Variants in ROS1 observed in about 807,000 individuals in gnomAD.
The protein encoded by ROS1 is ROS proto-oncogene 1, receptor tyrosine kinase.
Under a neutral mutation model 273.5 loss-of-function variants are expected in ROS1, and 263 were observed. That is an observed-to-expected ratio of 0.96 (90% CI 0.87 to 1.06). The LOEUF (loss-of-function observed/expected upper bound fraction) is 1.06. Ranked by LOEUF, ROS1 falls within the 50% of genes least tolerant of loss-of-function variation. The probability of loss-of-function intolerance (pLI) is 0.00; values close to 1 mark genes in which losing one functional copy is unlikely to be tolerated. For synonymous variants in ROS1, 1,008 were observed against 954.1 expected (o/e 1.06, Z -1.04); for missense variants, 2,833 against 2,751.1 (o/e 1.03, Z -0.67).
intron 31 of ROS1, among the ~76,000 whole-genome samples, chr6:117,340,683 C>T (rs1938913158): frequency 3.3e-5 from 5 of 152,086 alleles, no homozygotes; most frequent in African/African-American, 7.2e-5. Context: ...AAGCCAACAA[C>T]AAAACTACTT....
intron 13 of ROS1, 115 bp downstream of exon 13, chr6:117,389,235 G>T (rs952364654): frequency 8.1e-7 from 1 of 1,229,692 alleles, no homozygotes; most frequent in Non-Finnish European, 1.1e-6. Context: ...GCTGCTTCTG[G>T]TTGATGACTG....
intron 3 of ROS1, 147 bp from the exon 4 acceptor site, chr6:117,414,692 G>A (rs1223018507): frequency 5.4e-6 from 3 of 558,482 alleles, no homozygotes; most frequent in Non-Finnish European, 6.1e-6. Context: ...GGAGCCCAGA[G>A]CAGGACCCCC....
At chr6:117,372,839 G>A (rs1780939536) in intron 18 of ROS1, among the ~76,000 whole-genome samples, 1 of 152,196 alleles carries the variant, frequency 6.6e-6, no homozygotes, top group Non-Finnish European at 1.5e-5. Context: ...TGTGGAAAAG[G>A]ATCCATTCGG....
chr6:117,407,164 A>G (rs1774481022), intron 5 of ROS1, among the ~76,000 whole-genome samples: 1 of 152,232 alleles, frequency 6.6e-6, no homozygotes, highest in Non-Finnish European at 1.5e-5. Flanking sequence ...GAACAGCAAG[A>G]TAAGTTTCCC....
In ROS1 at chr6:117,419,037, G is replaced by T. The variant is rs761051745; in HGVS notation, c.124-531C>A. Among the ~76,000 whole-genome samples the T allele has an allele frequency of 2.0e-5, 3 of 152,320 alleles. No homozygotes were observed. In the South Asian group the frequency reaches 6.2e-4, roughly 32 times the overall value. On this transcript the variant is annotated intron_variant, in intron 1 of 43. Transcript: ENST00000368507. ...TATCTCTCTGGTCATAATTTGAATA[G>T]AGTCCTTCATAAACAAGACAGTTTA...
In ROS1 at chr6:117,356,693, C is replaced by A. The variant is rs760464623; in HGVS notation, c.4062G>T (p.Glu1354Asp). 4.3e-6 allele frequency: 7 copies of A among 1,614,188 alleles called. No homozygotes were observed. The highest frequency in any genetic ancestry group is 5.1e-6 in the Non-Finnish European group (6 of 1,180,018). The part of the protein sequence containing the change: ...KPLIYFAKAQ[E>D]IWAMDLEGCQ... ...AGCCTTCCAGATCCATTGCCCAGATCTCTTGTGCTTTGGCAAAGTATATCA... is the reference window on the plus strand; with the variant it reads ...AGCCTTCCAGATCCATTGCCCAGATATCTTGTGCTTTGGCAAAGTATATCA... Residue 1354 changes from glutamate to aspartate, a missense_variant, in exon 26 of 44, where the codon GAG (glutamate) becomes GAT (aspartate). Transcript: ENST00000368507.
At chr6:117,318,317 A>G (rs959041080) in intron 37 of ROS1, 65 bp from the exon 38 acceptor site, 2 of 1,176,534 alleles carry the variant, frequency 1.7e-6, no homozygotes, top group Non-Finnish European at 2.6e-6. Context: ...CAGTGGGTTA[A>G]TGGAGATTGT....
intron 27 of ROS1, among the ~76,000 whole-genome samples, chr6:117,350,901 T>C (rs1057287711): frequency 1.2e-4 from 19 of 152,170 alleles, no homozygotes; most frequent in African/African-American, 4.6e-4. Context: ...TACTGACTAC[T>C]TTATCCATTA....
intron 39 of ROS1, 27 bp downstream of exon 39, chr6:117,317,116 C>T (rs1446719133): frequency 1.3e-5 from 21 of 1,597,482 alleles, no homozygotes; most frequent in Non-Finnish European, 1.7e-6. Context: ...CATTATGAAA[C>T]CAATATTATG....
At chr6:117,337,488 A>G (rs1041752243) in intron 31 of ROS1, 148 bp from the exon 32 acceptor site, 1 of 614,840 alleles carries the variant, frequency 1.6e-6, no homozygotes, top group African/African-American at 1.9e-5. Context: ...GATCCCAAAC[A>G]TTACCCCACT....
At chr6:117,292,009 G>A (rs913322454) in intron 43 of ROS1, among the ~76,000 whole-genome samples, 20 of 148,598 alleles carry the variant, frequency 1.3e-4, no homozygotes, top group African/African-American at 3.2e-4. Context: ...TCACTCTGTC[G>A]CCCAGGCTGG....
chr6:117,374,122 C>T (rs970256999), intron 18 of ROS1, among the ~76,000 whole-genome samples: 35 of 152,104 alleles, frequency 2.3e-4, no homozygotes, highest in African/African-American at 8.2e-4. Flanking sequence ...TCATTCTTCA[C>T]AGAACAAGAG....
At chr6:117,298,359 T>C (rs976282966) in intron 43 of ROS1, among the ~76,000 whole-genome samples, 14 of 152,162 alleles carry the variant, frequency 9.2e-5, no homozygotes, top group African/African-American at 2.9e-4. Context: ...AGGAGTGATA[T>C]AGTTAAGAAA....
At chr6:117,415,880 A>G (rs143720041) in intron 3 of ROS1, among the ~76,000 whole-genome samples, 19 of 152,314 alleles carry the variant, frequency 1.2e-4, no homozygotes, top group Admixed American at 1.2e-3. Context: ...CCCAAGACCT[A>G]TTGAATCAGA....
chr6:117,386,833 G>A, intron 15 of ROS1, 56 bp downstream of exon 15: 1 of 840,940 alleles, frequency 1.2e-6, no homozygotes, highest in East Asian at 2.4e-5. Context: ...GAATGATGTG[G>A]GAAGTCTTAT....
At chr6:117,329,875 G>T (rs552912737) in intron 32 of ROS1, among the ~76,000 whole-genome samples, 1 of 152,296 alleles carries the variant, frequency 6.6e-6, no homozygotes, top group African/African-American at 2.4e-5. Flanking sequence ...CCATGCCACC[G>T]AGGCCTAGCA....
In ROS1 at chr6:117,366,134, CA is replaced by C. The variant is rs748726901; in HGVS notation, c.2738del (p.Leu913TrpfsTer58). 5.6e-6 allele frequency: 9 copies of C among 1,614,082 alleles called. No homozygotes were observed. The highest frequency in any genetic ancestry group is 7.6e-6 in the Non-Finnish European group (9 of 1,179,996). On this transcript the variant is annotated frameshift_variant, in exon 19 of 44. Coordinates refer to ENST00000368507, the MANE Select transcript of ROS1 (RefSeq NM_001378902.1). LOFTEE classifies it high-confidence loss of function. The stretch of plus-strand genomic sequence containing the variant: ...TGAACTGATTAAATCTGGCTGGTTC[CA>C]AAACAGAGACACTGGTTTTCTGACC... The part of the protein sequence containing the change: ...EIGQKTSVSV[L>X]EPARFNQFTI...
In ROS1 at chr6:117,366,076, C is replaced by G; in HGVS notation, c.2797G>C (p.Gly933Arg). The change falls in exon 19 of 44, where the codon GGG (glycine) becomes CGG (arginine). Residue 933 changes from glycine to arginine, a missense_variant and splice_region_variant. Coordinates refer to ENST00000368507, the MANE Select transcript of ROS1 (RefSeq NM_001378902.1). ...GGTAAGCAGGAATGAAATACTGTACCTGGCAGGGGCTTAAGGGATGTCTGA... is the reference window on the plus strand; with the variant it reads ...GGTAAGCAGGAATGAAATACTGTACGTGGCAGGGGCTTAAGGGATGTCTGA... ...IIQTSLKPLP[G>R]NFSFTPKVIP... is the part of the protein sequence containing the mutation. 6.2e-7 allele frequency: 1 copy of G among 1,610,150 alleles called. No homozygotes were observed. Among genetic ancestry groups the G allele is most frequent in the Non-Finnish European group, 8.5e-7 (1 of 1,176,476 alleles).
At chr6:117,356,948 T>A (rs769425197) in intron 25 of ROS1, 33 bp from the exon 26 acceptor site, 1 of 1,544,318 alleles carries the variant, frequency 6.5e-7, no homozygotes, top group Non-Finnish European at 8.8e-7. Flanking sequence ...CCCAACTTAA[T>A]GAGTAAAATA....
Sources: allele counts gnomAD v4.1 joint callset (sites outside exome capture counted in the v4.1 genomes callset), GRCh38; gene constraint gnomAD v4.1.1; transcripts MANE v1.5; gene names NCBI Gene and HGNC (gene_info 2026-07-23, HGNC 2026-07-21).